PTPRA: variants seen among roughly 807,000 people sequenced by gnomAD.
The protein encoded by PTPRA is protein tyrosine phosphatase receptor type A.
PTPRA carries 25 observed loss-of-function variants against 104.8 expected under a neutral mutation model. The observed-to-expected ratio is 0.24, with a 90% CI of 0.17 to 0.33. The LOEUF (loss-of-function observed/expected upper bound fraction) is 0.33. Among genes scored for constraint, PTPRA ranks in the 10% least tolerant of loss-of-function variants. PTPRA has a pLI of 1.00. For missense variants in PTPRA, 765 were observed against 1,015.3 expected (o/e 0.75, Z 3.35); for synonymous variants, 323 against 368.9 (o/e 0.88, Z 1.43).
At chr20:2,928,793 G>A (rs12481203) in intron 2 of PTPRA, among the ~76,000 whole-genome samples, 3,271 of 149,242 alleles carry the variant, frequency 0.022, 105 homozygotes, top group African/African-American at 0.064. Flanking sequence ...TTTTCCTGGA[G>A]ATTGTCATAA....
the PTPRA span, chr20:2,866,718 A>T: frequency 8.8e-6 from 11 of 1,253,122 alleles, no homozygotes; most frequent in Non-Finnish European, 1.2e-5. Context: ...TTTTAAATAA[A>T]GTTGGAACAC....
intron 20 of PTPRA, among the ~76,000 whole-genome samples, chr20:3,028,423 T>C (rs1164058227): frequency 1.3e-5 from 2 of 152,114 alleles, no homozygotes; most frequent in Non-Finnish European, 2.9e-5. Context: ...GTCCGGAAAC[T>C]CATACTAAAA....
At chr20:3,019,536 C>T (rs2064730533) in intron 13 of PTPRA, among the ~76,000 whole-genome samples, 2 of 151,620 alleles carry the variant, frequency 1.3e-5, no homozygotes, top group East Asian at 2.0e-4. Flanking sequence ...CAGAGACGCT[C>T]CTCACTTCCT....
At chr20:2,865,646 C>T in the PTPRA span, 3 of 716,856 alleles carry the variant, frequency 4.2e-6, no homozygotes, top group Non-Finnish European at 6.8e-6. This position sits in a 1 kb window ranked among gnomAD's most constrained non-coding sequence, Gnocchi z 5.2. Context: ...CATTTGTGGG[C>T]AGGCATCATC....
At chr20:2,922,733 G>C (rs964094786) in intron 1 of PTPRA, among the ~76,000 whole-genome samples, 2 of 151,970 alleles carry the variant, frequency 1.3e-5, no homozygotes, top group African/African-American at 4.8e-5. Context: ...TGCCTCCCGG[G>C]TTCAAGCAAT....
chr20:2,912,174 G>C (rs532933665), intron 1 of PTPRA, among the ~76,000 whole-genome samples: 1 of 151,012 alleles, frequency 6.6e-6, no homozygotes, highest in East Asian at 2.0e-4. Flanking sequence ...TTGAGCCTGG[G>C]AGGTTGAGGC....
intron 5 of PTPRA, among the ~76,000 whole-genome samples, chr20:2,969,434 G>A (rs959450658): frequency 2.0e-5 from 3 of 151,674 alleles, no homozygotes; most frequent in Non-Finnish European, 4.4e-5. Flanking sequence ...TTTTAGTAGA[G>A]ACAGGTTTCA....
rs6133005 is a variant in PTPRA, at chr20:3,027,802, C to T, written c.1881C>T (p.Cys627=). 1.0e-2 allele frequency: 16,140 copies of T among 1,614,112 alleles called. 795 individuals carry two copies. In the Admixed American group the frequency reaches 0.13, roughly 13 times the overall value. The change falls in exon 20 of 24, where the codon TGC becomes TGT. Residue 627 remains cysteine, a synonymous_variant. Transcript: ENST00000399903. ...GAATGATCTGGGAGTGGAAATCCTG[C>T]TCTATCGTGATGCTAACAGAACTGG... ...FWRMIWEWKS[C]SIVMLTELEE...
At chr20:2,871,307 G>A (rs1299389623), upstream of PTPRA, among the ~76,000 whole-genome samples, 1 of 152,110 alleles carries the variant, frequency 6.6e-6, no homozygotes, top group African/African-American at 2.4e-5. Context: ...TGCAGAGGGA[G>A]GCTCAGGTCA....
Position 2,986,776 on chromosome 20 carries a change from A to G in PTPRA, c.454A>G (p.Ile152Val), listed in dbSNP as rs748361744. The change falls in exon 7 of 24, where the codon ATT (isoleucine) becomes GTT (valine). Residue 152 changes from isoleucine to valine, a missense_variant. This residue lies in a region of PTPRA where 256 missense variants were observed against 248.9 expected (regional missense o/e 1.03). Coordinates refer to ENST00000399903, the MANE Select transcript of PTPRA (RefSeq NM_001385305.1). Reference sequence around the variant, plus strand: ...TGTCTTGATTTCAGATGAGACACCAATTATTGCGGTGATGGTGGCCCTGTC... The same window carrying G: ...TGTCTTGATTTCAGATGAGACACCAGTTATTGCGGTGATGGTGGCCCTGTC... ...DSKDRRDETP[I>V]IAVMVALSSL... The G allele has an allele frequency of 1.9e-5, 31 of 1,612,230 alleles. No individual in the cohort carries two copies. The highest frequency in any genetic ancestry group is 1.9e-4 in the South Asian group (17 of 91,036).
intron 9 of PTPRA, among the ~76,000 whole-genome samples, chr20:2,989,172 C>T (rs1020012433): frequency 3.3e-5 from 5 of 152,346 alleles, no homozygotes; most frequent in South Asian, 2.1e-4. Context: ...CGGTGACTCA[C>T]GCCTGTAATC....
chr20:2,976,399 A>G lies in PTPRA; in HGVS notation c.442+1158A>G, dbSNP rs554928557. 7.2e-5 allele frequency among the ~76,000 whole-genome samples: 11 copies of G among 152,324 alleles called. No homozygotes were observed. In the South Asian group the frequency reaches 2.1e-3, roughly 29 times the overall value. On this transcript the variant is annotated intron_variant, in intron 6 of 23. Transcript: ENST00000399903. ...ATAAGATCTGTTGACTCCTTCCTCT[A>G]TTTAGTATATATTTTCATAATATTC...
intron 12 of PTPRA, 93 bp from the exon 13 acceptor site, chr20:3,017,723 A>G: frequency 1.9e-6 from 2 of 1,056,986 alleles, no homozygotes; most frequent in Non-Finnish European, 2.9e-6. Flanking sequence ...ATTTGGGCAC[A>G]AGCTTCCAAA....
chr20:2,964,253 A>G lies in PTPRA; in HGVS notation c.-6-19A>G, dbSNP rs1468021380. ...CTGATAATATAGGACCTCATCTAAC[A>G]TGACTCCCTATTTTCCAGATAAGCA... On this transcript the variant is annotated intron_variant, in intron 3 of 23. Coordinates refer to ENST00000399903, the MANE Select transcript of PTPRA (RefSeq NM_001385305.1). The G allele has an allele frequency of 5.0e-6, 8 of 1,588,394 alleles. No homozygotes were observed. The highest frequency in any genetic ancestry group is 2.7e-5 in the African/African-American group (2 of 74,148).
chr20:2,914,070 A>G (rs73086608), intron 1 of PTPRA, among the ~76,000 whole-genome samples: 438 of 152,280 alleles, frequency 2.9e-3, no homozygotes, highest in African/African-American at 4.6e-3. Flanking sequence ...TAAGTTATCT[A>G]TTAGTGTACT....
At chr20:2,967,750 A>G (rs1175020119) in intron 5 of PTPRA, among the ~76,000 whole-genome samples, 2 of 152,218 alleles carry the variant, frequency 1.3e-5, no homozygotes, top group East Asian at 1.9e-4. Flanking sequence ...AGTCCCAGCT[A>G]CTCAGGAGCC....
chr20:2,974,767 T>C (rs2062359209), intron 5 of PTPRA, among the ~76,000 whole-genome samples: 1 of 152,222 alleles, frequency 6.6e-6, no homozygotes, highest in African/African-American at 2.4e-5. Flanking sequence ...CAAAAGAATA[T>C]TGTACTCTTT....
At chr20:2,927,449 T>A (rs1286652296) in intron 2 of PTPRA, among the ~76,000 whole-genome samples, 1 of 152,202 alleles carries the variant, frequency 6.6e-6, no homozygotes, top group Non-Finnish European at 1.5e-5. Flanking sequence ...CTAATTTTCT[T>A]GTCTATTTGC....
chr20:2,915,694 T>G (rs547980011), intron 1 of PTPRA, among the ~76,000 whole-genome samples: 1 of 152,314 alleles, frequency 6.6e-6, no homozygotes, highest in South Asian at 2.1e-4. Context: ...TTCTAAGAAT[T>G]TTATAGTTTT....
Sources: gnomAD v4.1 joint callset for allele counts (sites outside exome capture counted in the v4.1 genomes callset) on GRCh38, gnomAD v4.1.1 for gene constraint, gnomAD v4.1.1 regional missense constraint, Gnocchi (gnomAD v3.1) non-coding constraint, MANE v1.5 for transcripts, NCBI Gene and HGNC (gene_info 2026-07-23, HGNC 2026-07-21) for gene names.